The following SHQ1 variants were observed in gnomAD, a reference collection of about 807,000 sequenced individuals.
The protein encoded by SHQ1 is protein SHQ1 homolog.
A neutral mutation model predicts 53.8 loss-of-function variants in SHQ1; 49 were observed. The observed-to-expected ratio is 0.91, with a 90% CI of 0.72 to 1.16. SHQ1 has a LOEUF of 1.16. Among genes scored for constraint, SHQ1 ranks in the 50% most tolerant of loss-of-function variants. SHQ1 has a pLI of 0.00. For synonymous variants in SHQ1, 243 were observed against 251.0 expected (o/e 0.97, Z 0.30); for missense variants, 738 against 683.1 (o/e 1.08, Z -0.90).
intron 5 of SHQ1, among the ~76,000 whole-genome samples, chr3:72,830,238 T>C (rs1389327383): frequency 6.6e-6 from 1 of 152,090 alleles, no homozygotes; most frequent in Non-Finnish European, 1.5e-5. Flanking sequence ...ATCAACTGAC[T>C]TCACCGTGTT....
chr3:72,776,587 T>TA (rs1705961475), intron 10 of SHQ1, among the ~76,000 whole-genome samples: 1 of 152,078 alleles, frequency 6.6e-6, no homozygotes, highest in South Asian at 2.1e-4. Flanking sequence ...GTAATTTTTT[T>TA]AAAAAAGTAT....
chr3:72,780,171 C>T (rs1706042717), intron 10 of SHQ1, among the ~76,000 whole-genome samples: 1 of 152,212 alleles, frequency 6.6e-6, no homozygotes, highest in South Asian at 2.1e-4. Flanking sequence ...CCATGGATCA[C>T]AATAAAGCTT....
intron 10 of SHQ1, among the ~76,000 whole-genome samples, chr3:72,792,341 G>A (rs1302134256): frequency 6.6e-6 from 1 of 152,180 alleles, no homozygotes; most frequent in Non-Finnish European, 1.5e-5. Flanking sequence ...TTTAATACCT[G>A]TTTTCCAGGA....
chr3:72,751,535 T>TATACACAC (rs1444853961), intron 10 of SHQ1, among the ~76,000 whole-genome samples: 7 of 139,972 alleles, frequency 5.0e-5, no homozygotes, highest in African/African-American at 1.5e-4. Flanking sequence ...TATATACATA[T>TATACACAC]ACATACACTA....
chr3:72,732,356 G>C, the SHQ1 span, among the ~76,000 whole-genome samples: 1 of 116,990 alleles, frequency 8.5e-6, no homozygotes, highest in Non-Finnish European at 1.7e-5. Context: ...ATGCCTGCCT[G>C]CCTGCCTGCC....
At chr3:72,775,066 G>C (rs1243807141) in intron 10 of SHQ1, among the ~76,000 whole-genome samples, 1 of 152,140 alleles carries the variant, frequency 6.6e-6, no homozygotes, top group Non-Finnish European at 1.5e-5. Context: ...AGTGAGCAGA[G>C]ATCATGCCAC....
chr3:72,751,602 G>C (rs1367141678), intron 10 of SHQ1, among the ~76,000 whole-genome samples: 1 of 148,416 alleles, frequency 6.7e-6, no homozygotes, highest in East Asian at 2.0e-4. Flanking sequence ...CAATCCAACA[G>C]AAAAATGGAC....
At chr3:72,736,573 T>C in the SHQ1 span, among the ~76,000 whole-genome samples, 8 of 148,700 alleles carry the variant, frequency 5.4e-5, no homozygotes, top group African/African-American at 2.0e-4. Flanking sequence ...GATGGATCAC[T>C]TGAGGTCAGG....
chr3:72,746,782 G>C (rs150785177), downstream of SHQ1, among the ~76,000 whole-genome samples: 6 of 152,218 alleles, frequency 3.9e-5, no homozygotes, highest in African/African-American at 1.4e-4. Flanking sequence ...CTTCCATGGC[G>C]TTAAATTTTT....
intron 10 of SHQ1, among the ~76,000 whole-genome samples, chr3:72,755,574 T>C (rs2106707889): frequency 6.6e-6 from 1 of 152,346 alleles, no homozygotes; most frequent in East Asian, 1.9e-4. Flanking sequence ...GGTTTGTTTT[T>C]ATTCAATTAC....
intron 10 of SHQ1, among the ~76,000 whole-genome samples, chr3:72,774,815 G>T (rs949255118): frequency 2.0e-5 from 3 of 152,096 alleles, no homozygotes; most frequent in Non-Finnish European, 4.4e-5. Flanking sequence ...ACAAAGAGAG[G>T]ATCAAGAGCG....
chr3:72,799,114 G>A (rs1706712086), intron 9 of SHQ1, among the ~76,000 whole-genome samples: 1 of 151,632 alleles, frequency 6.6e-6, no homozygotes, highest in Non-Finnish European at 1.5e-5. Flanking sequence ...CTTGAACCTG[G>A]GAGTCTGAGA....
chr3:72,823,982 C>T (rs1296376023), intron 6 of SHQ1, among the ~76,000 whole-genome samples: 1 of 152,188 alleles, frequency 6.6e-6, no homozygotes, highest in Admixed American at 6.5e-5. Flanking sequence ...CAATGCTACA[C>T]TGCACTTAGA....
At chr3:72,775,265 A>T (rs1005161462) in intron 10 of SHQ1, among the ~76,000 whole-genome samples, 6 of 152,114 alleles carry the variant, frequency 3.9e-5, no homozygotes, top group Non-Finnish European at 7.4e-5. Context: ...GCTGTGGATA[A>T]AACAGATAAG....
At chr3:72,833,861 T>C (rs1194266130) in intron 4 of SHQ1, among the ~76,000 whole-genome samples, 1 of 152,220 alleles carries the variant, frequency 6.6e-6, no homozygotes, top group African/African-American at 2.4e-5. Flanking sequence ...GTCTCACTAC[T>C]CCTGCTACCA....
chr3:72,841,088 T>A lies in SHQ1; in HGVS notation c.443A>T (p.Tyr148Phe). ...TCCTGATCGTAAGTTTCCAAATCCA[T>A]AGTGGCACTGCGGATTCAAAGCACT... ...SESALNPQCH[Y>F]GFGNLRSGVL... The change falls in exon 4 of 11, where the codon TAT (tyrosine) becomes TTT (phenylalanine). Residue 148 changes from tyrosine (Y) to phenylalanine (F), a missense_variant. Transcript: ENST00000325599. 6.2e-7 allele frequency: 1 copy of A among 1,613,984 alleles called. No individual in the cohort carries two copies. Among genetic ancestry groups the A allele is most frequent in the Non-Finnish European group, 8.5e-7 (1 of 1,179,942 alleles).
intron 5 of SHQ1, among the ~76,000 whole-genome samples, chr3:72,827,211 C>T (rs774440555): frequency 6.6e-5 from 10 of 152,130 alleles, no homozygotes; most frequent in Non-Finnish European, 1.5e-4. Context: ...GAAATAACGA[C>T]TCCTGCTTGG....
chr3:72,841,842 T>C (rs1708186405), intron 3 of SHQ1, among the ~76,000 whole-genome samples: 1 of 152,122 alleles, frequency 6.6e-6, no homozygotes, highest in Non-Finnish European at 1.5e-5. Context: ...CATGCTCCTA[T>C]GAGAATCTAA....
chr3:72,839,987 CCTG>C (rs1708118052), intron 4 of SHQ1, among the ~76,000 whole-genome samples: 1 of 152,010 alleles, frequency 6.6e-6, no homozygotes, highest in African/African-American at 2.4e-5. Flanking sequence ...GTCACGAGCT[CCTG>C]ACCTCGTGAT....
Sources: gnomAD v4.1 joint callset for allele counts (sites outside exome capture counted in the v4.1 genomes callset) on GRCh38, gnomAD v4.1.1 for gene constraint, MANE v1.5 for transcripts, NCBI Gene and HGNC (gene_info 2026-07-23, HGNC 2026-07-21) for gene names.